The following L3MBTL4 variants were observed in gnomAD, a reference collection of about 807,000 sequenced individuals.
L3MBTL4 encodes L3MBTL histone methyl-lysine binding protein 4.
L3MBTL4 carries 70 observed loss-of-function variants against 84.5 expected under a neutral mutation model. The ratio of observed to expected loss-of-function variants is 0.83; its 90% CI spans 0.68 to 1.01. The LOEUF is 1.01. Ranked by LOEUF, L3MBTL4 falls within the 50% of genes least tolerant of loss-of-function variation. L3MBTL4 has a pLI of 0.00. For missense variants in L3MBTL4, 715 were observed against 754.8 expected (o/e 0.95, Z 0.62); for synonymous variants, 274 against 259.8 (o/e 1.05, Z -0.52).
rs2053381456 is a variant in L3MBTL4 at position 6,355,171 on chromosome 18, T to C, written c.-90-43115A>G. Among the ~76,000 whole-genome samples, 3 of 152,292 alleles carry C rather than the reference T, an allele frequency of 2.0e-5. No homozygotes were observed. The South Asian group carries it at 6.2e-4, about 32-fold the overall frequency. ...CTGGAAGTCACTATGCTTTTTTATGTTTTTTAAATAACAATATGGATTGTG... is the reference window on the plus strand; with the variant it reads ...CTGGAAGTCACTATGCTTTTTTATGCTTTTTAAATAACAATATGGATTGTG... On this transcript the variant is annotated intron_variant, in intron 1 of 18. Transcript: ENST00000317931.
intron 1 of L3MBTL4, among the ~76,000 whole-genome samples, chr18:6,405,756 G>C (rs2055708920): frequency 7.1e-6 from 1 of 139,874 alleles, no homozygotes; most frequent in Non-Finnish European, 1.6e-5. Context: ...AGTGCCTCCT[G>C]CCAGCACCCA....
At chr18:6,398,076 G>C (rs547882202) in intron 1 of L3MBTL4, 1 of 151,414 alleles carries the variant, frequency 6.6e-6, no homozygotes, top group Non-Finnish European at 1.5e-5. Flanking sequence ...TTTTTTGTCT[G>C]CATGTGGAAA....
intron 16 of L3MBTL4, among the ~76,000 whole-genome samples, chr18:6,008,052 T>C (rs1328178079): frequency 6.6e-6 from 1 of 152,238 alleles, no homozygotes; most frequent in Non-Finnish European, 1.5e-5. Context: ...GTGTTTTATG[T>C]TTTGCTTTAC....
At chr18:6,194,937 C>A (rs1009067173) in intron 12 of L3MBTL4, among the ~76,000 whole-genome samples, 6 of 152,226 alleles carry the variant, frequency 3.9e-5, no homozygotes, top group South Asian at 2.1e-4. Context: ...GACAGACCTA[C>A]ATGAAATTGA....
At chr18:6,156,018 C>A (rs151031064) in intron 13 of L3MBTL4, among the ~76,000 whole-genome samples, 1 of 152,128 alleles carries the variant, frequency 6.6e-6, no homozygotes, top group South Asian at 2.1e-4. Flanking sequence ...GATGCTAATA[C>A]CATTAAGCTT....
intron 1 of L3MBTL4, among the ~76,000 whole-genome samples, chr18:6,346,967 C>CA (rs1253237532): frequency 6.6e-6 from 1 of 152,032 alleles, no homozygotes; most frequent in African/African-American, 2.4e-5. Flanking sequence ...AAATGTGGTA[C>CA]ACATATACAA....
intron 12 of L3MBTL4, among the ~76,000 whole-genome samples, chr18:6,181,044 T>A (rs756331464): frequency 2.0e-5 from 3 of 152,112 alleles, no homozygotes; most frequent in African/African-American, 7.2e-5. Context: ...ATATCTAGAA[T>A]AGGCAAATTC....
chr18:6,301,982 G>C (rs1307429883), intron 3 of L3MBTL4, 25 bp from the exon 4 acceptor site: 1 of 1,577,840 alleles, frequency 6.3e-7, no homozygotes, highest in East Asian at 2.2e-5. Context: ...ATGGTGTTTA[G>C]ATGGTATTGC....
intron 5 of L3MBTL4, among the ~76,000 whole-genome samples, chr18:6,262,599 G>T (rs756672468): frequency 6.6e-6 from 1 of 152,086 alleles, no homozygotes; most frequent in Non-Finnish European, 1.5e-5. Flanking sequence ...CACATTTCCA[G>T]GCCCAGCCCC....
chr18:6,046,759 G>A (rs1213129424), intron 16 of L3MBTL4: 2 of 774,356 alleles, frequency 2.6e-6, no homozygotes, highest in African/African-American at 1.7e-5. Flanking sequence ...CAAGCACTGT[G>A]AAGAGAAAAG....
rs1169364801 is a variant in L3MBTL4, at chr18:6,163,265, GGGGGT to G, written c.1096+8558_1096+8562del. Among the ~76,000 whole-genome samples the G allele has an allele frequency of 4.6e-3, 473 of 103,058 alleles. 5 individuals are homozygous for G. The highest frequency in any genetic ancestry group is 0.015 in the African/African-American group (416 of 27,802). The allele number at this position is 103,058 out of a possible 152,430, so 67.6% of individuals were successfully genotyped here. ...GTCTACGGGTGTGTGTGTGTGGGGG[GGGGGT>G]GGGTGTGTGTGTGTGTGTGTGTGTG... On this transcript the variant is annotated intron_variant, in intron 13 of 18. Coordinates refer to ENST00000317931, the MANE Select transcript of L3MBTL4 (RefSeq NM_001330559.2).
intron 1 of L3MBTL4, among the ~76,000 whole-genome samples, chr18:6,319,047 A>C (rs1240201130): frequency 6.6e-6 from 1 of 152,178 alleles, no homozygotes; most frequent in African/African-American, 2.4e-5. Flanking sequence ...TTAACAACGA[A>C]ACCAAGATGG....
At chr18:6,289,456 C>T (rs545643818) in intron 4 of L3MBTL4, among the ~76,000 whole-genome samples, 2 of 152,298 alleles carry the variant, frequency 1.3e-5, no homozygotes, top group East Asian at 3.9e-4. Context: ...ATTCCTAACA[C>T]TTTTCTTCAT....
chr18:6,309,230 C>T (rs2050722375), intron 3 of L3MBTL4, among the ~76,000 whole-genome samples: 1 of 152,322 alleles, frequency 6.6e-6, no homozygotes, highest in Non-Finnish European at 1.5e-5. Flanking sequence ...TCAAGCATGA[C>T]TCAACCCTTC....
At position 6,371,245 on chromosome 18, in the gene L3MBTL4, G is replaced by T. The variant is rs933422400; in HGVS notation, c.-91+43556C>A. Among the ~76,000 whole-genome samples the T allele has an allele frequency of 9.2e-5, 14 of 152,314 alleles. No homozygotes were observed. The East Asian group carries it at 2.5e-3, about 27-fold the overall frequency. ...AGATGTGGCCACTAGGCTATGGCTT[G>T]CCACCCCCTGGCTTACACCTGTACT... On this transcript the variant is annotated intron_variant, in intron 1 of 18. Coordinates refer to ENST00000317931, the MANE Select transcript of L3MBTL4 (RefSeq NM_001330559.2).
At chr18:6,034,368 A>C (rs1466678085) in intron 16 of L3MBTL4, among the ~76,000 whole-genome samples, 1 of 152,066 alleles carries the variant, frequency 6.6e-6, no homozygotes, top group East Asian at 1.9e-4. Flanking sequence ...TCATTGTTCA[A>C]TTCCCACCTA....
chr18:6,022,311 C>G (rs1226511978), intron 16 of L3MBTL4, among the ~76,000 whole-genome samples: 1 of 152,162 alleles, frequency 6.6e-6, no homozygotes, highest in African/African-American at 2.4e-5. Context: ...GCTTCTGTGT[C>G]TATGACCACC....
intron 14 of L3MBTL4, among the ~76,000 whole-genome samples, chr18:6,109,279 C>T (rs528678026): frequency 3.3e-4 from 50 of 152,200 alleles, no homozygotes; most frequent in Admixed American, 5.2e-4. Context: ...TTTTAAGAAA[C>T]GTTTTTCTGT....
chr18:6,406,114 T>C (rs1033191917), intron 1 of L3MBTL4, among the ~76,000 whole-genome samples: 7 of 152,214 alleles, frequency 4.6e-5, no homozygotes, highest in African/African-American at 1.7e-4. Flanking sequence ...GAACACAACT[T>C]TATTGCAAAA....
Sources: gnomAD v4.1 joint callset for allele counts (sites outside exome capture counted in the v4.1 genomes callset) on GRCh38, gnomAD v4.1.1 for gene constraint, MANE v1.5 for transcripts, NCBI Gene and HGNC (gene_info 2026-07-23, HGNC 2026-07-21) for gene names.